The following NBEAL1 variants were observed in gnomAD, a reference collection of about 807,000 sequenced individuals.
The protein encoded by NBEAL1 is neurobeachin-like protein 1.
NBEAL1 carries 273 observed loss-of-function variants against 351.3 expected under a neutral mutation model. The ratio of observed to expected loss-of-function variants is 0.78; its 90% CI spans 0.70 to 0.86. NBEAL1 has a LOEUF of 0.86. NBEAL1 is among the 40% of genes least tolerant of loss of function. The pLI is 0.00. For missense variants in NBEAL1, 2,961 were observed against 3,201.3 expected (o/e 0.92, Z 1.81); for synonymous variants, 1,050 against 1,086.4 (o/e 0.97, Z 0.66).
intron 45 of NBEAL1, 132 bp from the exon 46 acceptor site, chr2:203,190,160 A>G (rs1476042680): frequency 1.3e-3 from 1 of 748 alleles, no homozygotes; most frequent in Non-Finnish European, 5.7e-3. Flanking sequence ...AGATGTGTGT[A>G]CACACACACA....
rs1201123529 is a variant in NBEAL1 at position 203,034,224 on chromosome 2, C to T, written c.52-7541C>T. On this transcript the variant is annotated intron_variant, in intron 2 of 55. Coordinates refer to ENST00000683969, the MANE Select transcript of NBEAL1 (RefSeq NM_001378026.1). ...CCAGGCTGGAGTGCAGTAGAGCGAT[C>T]TTGGCTCACTGCAACCTCTGCTTCC... Among the ~76,000 whole-genome samples, 4 of 148,750 alleles carry T rather than the reference C, an allele frequency of 2.7e-5. No individual in the cohort carries two copies. In the Admixed American group the frequency reaches 2.7e-4, roughly 10 times the overall value.
intron 2 of NBEAL1, among the ~76,000 whole-genome samples, chr2:203,019,340 A>G (rs1223317342): frequency 6.6e-6 from 1 of 152,202 alleles, no homozygotes; most frequent in Non-Finnish European, 1.5e-5. Context: ...ATTTGATTAC[A>G]GTTCCTTAAA....
At chr2:203,067,052 G>A (rs1029364289) in intron 6 of NBEAL1, among the ~76,000 whole-genome samples, 43 of 139,608 alleles carry the variant, frequency 3.1e-4, no homozygotes, top group Non-Finnish European at 4.9e-4. Flanking sequence ...AGGGGCGGCC[G>A]GGCAGAGGCA....
chr2:203,136,076 A>G lies in NBEAL1; in HGVS notation c.4213A>G (p.Ser1405Gly). The G allele has an allele frequency of 5.0e-6, 8 of 1,614,018 alleles. No individual in the cohort carries two copies. The highest frequency in any genetic ancestry group is 6.8e-6 in the Non-Finnish European group (8 of 1,180,000). ...CCCTTCACATTTGAGTTTAGACCTC[A>G]GTGGAATTGACTCATGTGAAATGAG... The part of the protein sequence containing the change: ...SNPSHLSLDL[S>G]GIDSCEMSDS... Residue 1405 changes from serine to glycine, a missense_variant, in exon 28 of 56, where the codon AGT (serine) becomes GGT (glycine). Ser to Gly is a moderately conservative substitution (Grantham distance 56). Coordinates refer to ENST00000683969, the MANE Select transcript of NBEAL1 (RefSeq NM_001378026.1).
chr2:203,125,332 C>T lies in NBEAL1; in HGVS notation c.2683-20C>T, dbSNP rs2062914237. Reference sequence around the variant, plus strand: ...TTGTCCTCCTTTTATAAGATTTAAACATTATAATTTTCCCTTTAGGATATC... The same window carrying T: ...TTGTCCTCCTTTTATAAGATTTAAATATTATAATTTTCCCTTTAGGATATC... On this transcript the variant is annotated intron_variant, in intron 19 of 55. Transcript: ENST00000683969. 3 of 1,439,196 alleles carry T rather than the reference C, an allele frequency of 2.1e-6. No homozygotes were observed. Among genetic ancestry groups the T allele is most frequent in the Non-Finnish European group, 2.8e-6 (3 of 1,086,484 alleles). The allele number at this position is 1,439,196 out of a possible 1,614,324, so 89.2% of individuals were successfully genotyped here.
rs148705424 is a variant in NBEAL1, at chr2:203,107,796, G to A, written c.1557G>A (p.Gly519=). The A allele has an allele frequency of 1.3e-4, 206 of 1,554,516 alleles. No homozygotes were observed. The African/African-American group carries it at 2.5e-3, about 19-fold the overall frequency. ...SRTTCVNANM[G]IRIIETLDLH... Reference sequence around the variant, plus strand: ...CTACTTGTGTCAATGCAAACATGGGGATTAGAATCATTGAAACCCTTGACT... The same window carrying A: ...CTACTTGTGTCAATGCAAACATGGGAATTAGAATCATTGAAACCCTTGACT... Residue 519 remains glycine (G), a synonymous_variant, in exon 14 of 56, where the codon GGG becomes GGA. Coordinates refer to ENST00000683969, the MANE Select transcript of NBEAL1 (RefSeq NM_001378026.1).
At chr2:203,206,436 C>T (rs1384761084) in intron 51 of NBEAL1, among the ~76,000 whole-genome samples, 3 of 152,196 alleles carry the variant, frequency 2.0e-5, no homozygotes, top group African/African-American at 4.8e-5. Context: ...CTCCCTCTCC[C>T]CTCTTTCCAC....
rs2061860332 is a variant in NBEAL1 at position 203,080,920 on chromosome 2, T to C, written c.685-2299T>C. On this transcript the variant is annotated intron_variant, in intron 8 of 55. Coordinates refer to ENST00000683969, the MANE Select transcript of NBEAL1 (RefSeq NM_001378026.1). ...TTGTTATGACTAATGTAGAAGCTGA[T>C]TGGATCCTCTTCTCTTTTCGAAAAC... Among the ~76,000 whole-genome samples the C allele has an allele frequency of 2.6e-5, 4 of 152,348 alleles. No homozygotes were observed. In the South Asian group the frequency reaches 8.3e-4, roughly 32 times the overall value.
chr2:203,190,804 G>A (rs1350484967), intron 46 of NBEAL1: 42 of 1,611,046 alleles, frequency 2.6e-5, no homozygotes, highest in East Asian at 4.5e-5. Flanking sequence ...CGACCCCAAC[G>A]AGATCAAAGT....
At chr2:203,111,713 A>T (rs1314610407) in intron 15 of NBEAL1, among the ~76,000 whole-genome samples, 1 of 152,196 alleles carries the variant, frequency 6.6e-6, no homozygotes, top group Non-Finnish European at 1.5e-5. Context: ...AATGCTTCTC[A>T]TTTTTAAAAA....
At chr2:203,093,920 T>G (rs1037418692) in intron 10 of NBEAL1, among the ~76,000 whole-genome samples, 11 of 152,106 alleles carry the variant, frequency 7.2e-5, no homozygotes, top group Non-Finnish European at 4.4e-5. Flanking sequence ...GCCGTAATAG[T>G]CTTCCTTATT....
chr2:203,056,500 A>G lies in NBEAL1; in HGVS notation c.379A>G (p.Ile127Val). 6.5e-7 allele frequency: 1 copy of G among 1,529,554 alleles called. No homozygotes were observed. Among genetic ancestry groups the G allele is most frequent in the Middle Eastern group, 1.7e-4 (1 of 5,938 alleles). The allele number at this position is 1,529,554 out of a possible 1,614,324, so 94.7% of individuals were successfully genotyped here. A position where few individuals can be genotyped will look rare whatever the true frequency, so the allele number is the denominator to read the frequency against. The change falls in exon 5 of 56, where the codon ATT becomes GTT. Residue 127 changes from isoleucine to valine, a missense_variant. Physicochemically the swap from Ile to Val is conservative, Grantham distance 29. Transcript: ENST00000683969. ...NYVITMTTLY[I>V]QQLKSKKKEK... is the part of the protein sequence containing the mutation. ...TGTCATCACCATGACAACACTCTAT[A>G]TTCAGCAAGTAGGTGTGAACTAATC... is the stretch of plus-strand genomic sequence containing the variant.
In NBEAL1 at chr2:203,183,301, G is replaced by A. The variant is rs2105745081; in HGVS notation, c.6618G>A (p.Gln2206=). Residue 2206 remains glutamine (Q), a synonymous_variant, in exon 44 of 56, where the codon CAG becomes CAA. Transcript: ENST00000683969. ...TAGAATTTAACTTGGGTCGTCTACA[G>A]ATTTCCAAAGAATTAGTAAATGATG... ...NQNQFNLGRL[Q]ISKELVNDVI... 6.3e-7 allele frequency: 1 copy of A among 1,588,530 alleles called. No homozygotes were observed. The highest frequency in any genetic ancestry group is 8.6e-7 in the Non-Finnish European group (1 of 1,167,614).
chr2:203,110,289 C>T lies in NBEAL1; in HGVS notation c.2082+7C>T. The T allele has an allele frequency of 6.5e-7, 1 of 1,548,118 alleles. No individual in the cohort carries two copies. The highest frequency in any genetic ancestry group is 2.4e-5 in the East Asian group (1 of 40,918). On this transcript the variant is annotated splice_region_variant and intron_variant, in intron 15 of 55. Coordinates refer to ENST00000683969, the MANE Select transcript of NBEAL1 (RefSeq NM_001378026.1). ...TTTCTGTGATTCCCTCTGGGTAAGG[C>T]TTTAGGGCATCACATTTAACTTCTA...
intron 31 of NBEAL1, among the ~76,000 whole-genome samples, chr2:203,142,543 A>G (rs1387055761): frequency 6.6e-6 from 1 of 152,188 alleles, no homozygotes; most frequent in East Asian, 1.9e-4. Context: ...TATGTATGTA[A>G]TATGTCAGTA....
Position 203,144,844 on chromosome 2 carries a change from T to C in NBEAL1, c.5093T>C (p.Phe1698Ser). 1 of 1,611,052 alleles carries C rather than the reference T, an allele frequency of 6.2e-7. No homozygotes were observed. The highest frequency in any genetic ancestry group is 8.5e-7 in the Non-Finnish European group (1 of 1,178,968). ...SLPFTNGSSS[F>S]FEDFQEYCNS... ...CCTTTTACCAATGGTAGCTCCTCAT[T>C]TTTTGAAGATTTTCAAGAATATTGT... Residue 1698 changes from phenylalanine to serine, a missense_variant, in exon 32 of 56, where the codon TTT becomes TCT. Coordinates refer to ENST00000683969, the MANE Select transcript of NBEAL1 (RefSeq NM_001378026.1).
intron 2 of NBEAL1, chr2:203,040,003 T>G: frequency 3.6e-6 from 2 of 562,738 alleles, no homozygotes; most frequent in East Asian, 3.0e-5. Flanking sequence ...GGTGGTGAGG[T>G]TTCTGGTTTT....
At position 203,217,576 on chromosome 2, in the gene NBEAL1, C is replaced by T. The variant is rs1488963367; in HGVS notation, c.*222C>T. 8.9e-7 allele frequency: 1 copy of T among 1,119,560 alleles called. No homozygotes were observed. Among genetic ancestry groups the T allele is most frequent in the Non-Finnish European group, 1.1e-6 (1 of 909,768 alleles). The allele number at this position is 1,119,560 out of a possible 1,614,324, so 69.4% of individuals were successfully genotyped here. On this transcript the variant is annotated 3_prime_UTR_variant, in exon 56 of 56. Coordinates refer to ENST00000683969, the MANE Select transcript of NBEAL1 (RefSeq NM_001378026.1). Reference sequence around the variant, plus strand: ...GATTTTGTGGCCCATTCCTAAAGGTCATTGTATCCATTTTTAAAACAAACT... The same window carrying T: ...GATTTTGTGGCCCATTCCTAAAGGTTATTGTATCCATTTTTAAAACAAACT...
Position 203,041,813 on chromosome 2 carries a change from T to C in NBEAL1, c.100T>C (p.Tyr34His). 6.4e-7 allele frequency: 1 copy of C among 1,554,334 alleles called. No individual in the cohort carries two copies. The highest frequency in any genetic ancestry group is 8.7e-7 in the Non-Finnish European group (1 of 1,147,628). The change falls in exon 3 of 56, where the codon TAT becomes CAT. Residue 34 changes from tyrosine (Y) to histidine (H), a missense_variant. Physicochemically the swap from Tyr to His is moderately conservative, Grantham distance 83. Coordinates refer to ENST00000683969, the MANE Select transcript of NBEAL1 (RefSeq NM_001378026.1). Reference sequence around the variant, plus strand: ...GTGGTTGGACACTTTTGTTTCTAGCTATGAACAATTTTTAGACGTTGACTT... The same window carrying C: ...GTGGTTGGACACTTTTGTTTCTAGCCATGAACAATTTTTAGACGTTGACTT... Reference protein sequence around the residue: ...KLWLDTFVSSYEQFLDVDFEK... With the variant: ...KLWLDTFVSSHEQFLDVDFEK...
Sources: allele counts gnomAD v4.1 joint callset (sites outside exome capture counted in the v4.1 genomes callset), GRCh38; gene constraint gnomAD v4.1.1; transcripts MANE v1.5; gene names NCBI Gene and HGNC (gene_info 2026-07-23, HGNC 2026-07-21).